Variants in DEF6 observed in about 807,000 individuals in gnomAD.
DEF6 encodes the protein differentially expressed in FDCP 6 homolog.
In DEF6, 32 loss-of-function variants were observed where a neutral mutation model predicts 80.5. The observed-to-expected ratio is 0.40, with a 90% CI of 0.30 to 0.53. DEF6 has a LOEUF of 0.53. DEF6 is among the 20% of genes least tolerant of loss of function. DEF6 has a pLI of 0.57. For synonymous variants in DEF6, 300 were observed against 337.9 expected, an observed-to-expected ratio of 0.89 and a Z score of 1.23; for missense variants, 575 against 818.7, an observed-to-expected ratio of 0.70 and a Z score of 3.63.
Position 35,318,383 on chromosome 6 carries a change from G to A in DEF6, c.1127G>A (p.Arg376Gln), listed in dbSNP as rs1791547972. The change falls in exon 7 of 11, where the codon CGG becomes CAG. Residue 376 changes from arginine (R) to glutamine (Q), a missense_variant. Physicochemically the swap from Arg to Gln is conservative, Grantham distance 43. Coordinates refer to ENST00000316637, the MANE Select transcript of DEF6 (RefSeq NM_022047.4). The surrounding 1 kb of genome is among the most constrained non-coding windows in gnomAD (Gnocchi z 5.1). ...CAGGAGGCGCAGCGGCAGGCCGAGCGGCTGCTGCAGGAGGAGGAGGAACGG... is the reference window on the plus strand; with the variant it reads ...CAGGAGGCGCAGCGGCAGGCCGAGCAGCTGCTGCAGGAGGAGGAGGAACGG... ...LLQEAQRQAE[R>Q]LLQEEEERRR... The A allele has an allele frequency of 6.5e-7, 1 of 1,536,130 alleles. No homozygotes were observed. The highest frequency in any genetic ancestry group is 8.7e-7 in the Non-Finnish European group (1 of 1,145,170).
At chr6:35,304,362 A>G (rs2150385291) in intron 1 of DEF6, among the ~76,000 whole-genome samples, 1 of 152,260 alleles carries the variant, frequency 6.6e-6, no homozygotes, top group East Asian at 1.9e-4. Context: ...TGGTCAGGGA[A>G]TATATATTCC....
chr6:35,312,609 G>A lies in DEF6; in HGVS notation c.661-17G>A, dbSNP rs766994017. 37 of 1,614,102 alleles carry A rather than the reference G, an allele frequency of 2.3e-5. No individual in the cohort carries two copies. Among genetic ancestry groups the A allele is most frequent in the East Asian group, 4.5e-5 (2 of 44,894 alleles). ...AAGGGGGGCCTGGGAAGCCTCTGAC[G>A]TAACTCCGGCTGGCAGGGCTACCTG... On this transcript the variant is annotated splice_polypyrimidine_tract_variant and intron_variant, in intron 4 of 10. Coordinates refer to ENST00000316637, the MANE Select transcript of DEF6 (RefSeq NM_022047.4). This position sits in a 1 kb window ranked among gnomAD's most constrained non-coding sequence, Gnocchi z 6.6.
chr6:35,308,686 A>ATAAAAT (rs2150386438), intron 1 of DEF6, among the ~76,000 whole-genome samples: 1 of 124,332 alleles, frequency 8.0e-6, no homozygotes, highest in Non-Finnish European at 1.6e-5. Context: ...ATAAAATAAA[A>ATAAAAT]TAAAATAAAA....
At position 35,312,475 on chromosome 6, in the gene DEF6, G is replaced by C. The variant is rs142511424; in HGVS notation, c.597G>C (p.Arg199=). 5 of 1,614,048 alleles carry C rather than the reference G, an allele frequency of 3.1e-6. No homozygotes were observed. The highest frequency in any genetic ancestry group is 4.2e-6 in the Non-Finnish European group (5 of 1,180,048). The part of the protein sequence containing the change: ...NSGRCLRGVG[R]DTLSMAIHEV... ...GCCGCTGCCTGCGGGGCGTGGGCCGGGACACCCTCAGCATGGCCATCCACG... is the reference window on the plus strand; with the variant it reads ...GCCGCTGCCTGCGGGGCGTGGGCCGCGACACCCTCAGCATGGCCATCCACG... The change falls in exon 4 of 11, where the codon CGG becomes CGC. Residue 199 remains arginine, a synonymous_variant. Coordinates refer to ENST00000316637, the MANE Select transcript of DEF6 (RefSeq NM_022047.4). This position sits in a 1 kb window ranked among gnomAD's most constrained non-coding sequence, Gnocchi z 6.6.
At chr6:35,304,736 G>A (rs1215874086) in intron 1 of DEF6, among the ~76,000 whole-genome samples, 1 of 152,092 alleles carries the variant, frequency 6.6e-6, no homozygotes, top group African/African-American at 2.4e-5. Flanking sequence ...TCAAGGTTGA[G>A]ATTAGAGTCA....
rs764573391 is a variant in DEF6, at chr6:35,317,997, C to T, written c.914C>T (p.Ala305Val). ...ACGCGCCAGCGCCAGGAGTGGACAG[C>T]TGGTGAGTGCTCGCTAGGTGGCTTG... ...SDTRQRQEWTAAIQMAIRLQA... is the reference protein window; with the variant it reads ...SDTRQRQEWTVAIQMAIRLQA... Residue 305 changes from alanine to valine, a missense_variant and splice_region_variant, in exon 6 of 11, where the codon GCT becomes GTT. Transcript: ENST00000316637. 6 of 1,612,410 alleles carry T rather than the reference C, an allele frequency of 3.7e-6. No individual in the cohort carries two copies. The African/African-American group carries it at 5.3e-5, about 14-fold the overall frequency.
intron 1 of DEF6, among the ~76,000 whole-genome samples, chr6:35,306,752 G>T (rs1175989770): frequency 3.9e-5 from 6 of 152,202 alleles, no homozygotes; most frequent in African/African-American, 1.2e-4. Flanking sequence ...TGCCAGTGTA[G>T]TATGCATATC....
chr6:35,311,902 T>C (rs1791473384), intron 3 of DEF6, among the ~76,000 whole-genome samples: 1 of 152,352 alleles, frequency 6.6e-6, no homozygotes, highest in East Asian at 1.9e-4. Context: ...GTTTGCTGTG[T>C]GACTTAGAGC....
chr6:35,298,011 C>T (rs1199310215), intron 1 of DEF6, 59 bp downstream of exon 1: 1 of 1,435,004 alleles, frequency 7.0e-7, no homozygotes, highest in Admixed American at 2.0e-5. Flanking sequence ...GCCCCTGCCG[C>T]CTGGGAGCCA....
At chr6:35,298,081 CG>C (rs896919804) in intron 1 of DEF6, 129 bp downstream of exon 1, 23 of 839,618 alleles carry the variant, frequency 2.7e-5, no homozygotes, top group Non-Finnish European at 3.8e-5. Context: ...GGCCTGGGGT[CG>C]GGGGGCTGGT....
In DEF6 at chr6:35,310,759, A is replaced by G. The variant is rs1174395872; in HGVS notation, c.423+115A>G. Reference sequence around the variant, plus strand: ...CCCATATCCCCTTTCTTTCTTTACCATCTTCCCATGCTGGTATCTGTCCTC... The same window carrying G: ...CCCATATCCCCTTTCTTTCTTTACCGTCTTCCCATGCTGGTATCTGTCCTC... On this transcript the variant is annotated intron_variant, in intron 3 of 10. Transcript: ENST00000316637. The G allele has an allele frequency of 1.0e-5, 11 of 1,083,190 alleles. No individual in the cohort carries two copies. The East Asian group carries it at 1.2e-4, about 12-fold the overall frequency. The allele number at this position is 1,083,190 out of a possible 1,614,324, so 67.1% of individuals were successfully genotyped here.
Position 35,321,085 on chromosome 6 carries a change from G to A in DEF6, c.1673-102G>A, listed in dbSNP as rs547140421. On this transcript the variant is annotated intron_variant, in intron 10 of 10. Transcript: ENST00000316637. ...TCCCAGGGCCAGCAAAAGCAGGACT[G>A]GCAGTCAGGAGGCTCCCCTCTCCTC... The A allele has an allele frequency of 1.2e-5, 18 of 1,552,472 alleles. No homozygotes were observed. In the South Asian group the frequency reaches 1.4e-4, roughly 12 times the overall value.
intron 1 of DEF6, among the ~76,000 whole-genome samples, chr6:35,303,921 CAG>C (rs998529227): frequency 7.2e-5 from 11 of 152,306 alleles, no homozygotes; most frequent in South Asian, 2.1e-4. Context: ...TCACCTAAGT[CAG>C]GGGTTCGAGA....
chr6:35,318,030 G>A lies in DEF6; in HGVS notation c.916+31G>A. 1 of 1,598,088 alleles carries A rather than the reference G, an allele frequency of 6.3e-7. No homozygotes were observed. The highest frequency in any genetic ancestry group is 1.3e-5 in the African/African-American group (1 of 74,590). On this transcript the variant is annotated intron_variant, in intron 6 of 10. Coordinates refer to ENST00000316637, the MANE Select transcript of DEF6 (RefSeq NM_022047.4). This position sits in a 1 kb window ranked among gnomAD's most constrained non-coding sequence, Gnocchi z 5.1. Reference sequence around the variant, plus strand: ...TGCTCGCTAGGTGGCTTGGGTCTGGGTGGTCCTTAGGCGCCTCATCTGTGA... The same window carrying A: ...TGCTCGCTAGGTGGCTTGGGTCTGGATGGTCCTTAGGCGCCTCATCTGTGA...
Position 35,319,564 on chromosome 6 carries a change from AG to A in DEF6, c.1258del (p.Glu420ArgfsTer25). The A allele has an allele frequency of 6.2e-7, 1 of 1,612,724 alleles. No homozygotes were observed. Among genetic ancestry groups the A allele is most frequent in the Non-Finnish European group, 8.5e-7 (1 of 1,179,608 alleles). On this transcript the variant is annotated frameshift_variant, in exon 8 of 11. Coordinates refer to ENST00000316637, the MANE Select transcript of DEF6 (RefSeq NM_022047.4). LOFTEE classifies it high-confidence loss of function. The surrounding 1 kb of genome is among the most constrained non-coding windows in gnomAD (Gnocchi z 4.5). ...CAGGCTGAGATGGAGCTGAAGGAGG[AG>A]GAGGCTGCCCGGCAGCGGCAGCGCA... ...SMQAEMELKE[E>X]EAARQRQRIK... is the part of the protein sequence containing the mutation.
Position 35,309,702 on chromosome 6 carries a change from C to T in DEF6, c.129C>T (p.His43=), listed in dbSNP as rs1184769101. 1.2e-6 allele frequency: 2 copies of T among 1,614,086 alleles called. No individual in the cohort carries two copies. Among genetic ancestry groups the T allele is most frequent in the African/African-American group, 1.3e-5 (1 of 74,986 alleles). The stretch of plus-strand genomic sequence containing the variant: ...CCCACAACCTGTACACGGTCCTGCA[C>T]ATCCCCCATGACCCCGTGGCCCTGG... ...VLSHNLYTVL[H]IPHDPVALEE... Residue 43 remains histidine (H), a synonymous_variant, in exon 2 of 11, where the codon CAC becomes CAT. Transcript: ENST00000316637.
At chr6:35,304,254 G>A (rs981483418) in intron 1 of DEF6, among the ~76,000 whole-genome samples, 1 of 152,216 alleles carries the variant, frequency 6.6e-6, no homozygotes. Context: ...CAGGGCGGTC[G>A]AGGCTGCAGT....
At position 35,302,605 on chromosome 6, in the gene DEF6, G is replaced by A. The variant is rs144800257; in HGVS notation, c.96+4653G>A. On this transcript the variant is annotated intron_variant, in intron 1 of 10. Coordinates refer to ENST00000316637, the MANE Select transcript of DEF6 (RefSeq NM_022047.4). ...CCCCTACATGCCTCCAGAGGAAAGA[G>A]TGAATAGATGAAGCATCTCAAAGGT... Among the ~76,000 whole-genome samples the A allele has an allele frequency of 2.0e-3, 298 of 152,292 alleles. 2 individuals carry two copies. Among genetic ancestry groups the A allele is most frequent in the African/African-American group, 6.9e-3 (285 of 41,574 alleles).
chr6:35,308,764 AAC>A (rs1256097848), intron 1 of DEF6, among the ~76,000 whole-genome samples: 9 of 151,342 alleles, frequency 5.9e-5, no homozygotes, highest in Non-Finnish European at 1.2e-4. Context: ...TAAAATAAAA[AAC>A]AGTTTTAATT....
Sources: allele counts gnomAD v4.1 joint callset (sites outside exome capture counted in the v4.1 genomes callset), GRCh38; gene constraint gnomAD v4.1.1; non-coding constraint Gnocchi (gnomAD v3.1); transcripts MANE v1.5; gene names NCBI Gene and HGNC (gene_info 2026-07-23, HGNC 2026-07-21).